The following UBE2K variants were observed in gnomAD, a reference collection of about 807,000 sequenced individuals.
UBE2K encodes the protein ubiquitin conjugating enzyme E2 K, also known as ubiquitin-conjugating enzyme E2 K.
A neutral mutation model predicts 30.0 loss-of-function variants in UBE2K; 6 were observed. The ratio of observed to expected loss-of-function variants is 0.20; its 90% CI spans 0.11 to 0.39. UBE2K has a LOEUF of 0.39. Ranked by LOEUF, UBE2K falls within the 10% of genes least tolerant of loss-of-function variation. UBE2K has a pLI of 1.00. For missense variants in UBE2K, 61 were observed against 241.6 expected, an observed-to-expected ratio of 0.25 and a Z score of 4.96; for synonymous variants, 86 against 83.7, an observed-to-expected ratio of 1.03 and a Z score of -0.15.
intron 3 of UBE2K, among the ~76,000 whole-genome samples, chr4:39,749,651 C>G (rs1196471420): frequency 6.6e-6 from 1 of 152,044 alleles, no homozygotes; most frequent in Non-Finnish European, 1.5e-5. Flanking sequence ...TGCACTGCAG[C>G]CTGGACAAGA....
intron 3 of UBE2K, among the ~76,000 whole-genome samples, chr4:39,750,670 G>A (rs888861108): frequency 2.0e-5 from 3 of 150,212 alleles, no homozygotes; most frequent in South Asian, 2.1e-4. Context: ...TTGAGATTAC[G>A]TGCTTGATTC....
chr4:39,747,393 T>C (rs1210905121), intron 3 of UBE2K, among the ~76,000 whole-genome samples: 1 of 152,216 alleles, frequency 6.6e-6, no homozygotes, highest in African/African-American at 2.4e-5. Flanking sequence ...CCACTGTTTC[T>C]GTTTCTCCGA....
intron 1 of UBE2K, among the ~76,000 whole-genome samples, chr4:39,735,397 T>C (rs1426177428): frequency 1.3e-5 from 2 of 152,158 alleles, no homozygotes; most frequent in Non-Finnish European, 2.9e-5. Flanking sequence ...TTTGGTTTTT[T>C]TGAGACGGAG....
At chr4:39,728,142 A>G (rs1341000479) in intron 1 of UBE2K, among the ~76,000 whole-genome samples, 1 of 151,980 alleles carries the variant, frequency 6.6e-6, no homozygotes, top group Non-Finnish European at 1.5e-5. Flanking sequence ...TCAAAAAAAA[A>G]AATAAGTAAA....
chr4:39,741,109 A>G (rs1003948264), intron 2 of UBE2K, among the ~76,000 whole-genome samples: 6 of 151,876 alleles, frequency 4.0e-5, no homozygotes, highest in Non-Finnish European at 4.4e-5. Context: ...CATCTCTACT[A>G]AAAATACAAA....
intron 1 of UBE2K, among the ~76,000 whole-genome samples, chr4:39,720,060 C>A (rs1010172774): frequency 6.6e-6 from 1 of 152,184 alleles, no homozygotes; most frequent in African/African-American, 2.4e-5. Context: ...TTGCTTAGCA[C>A]CATTGCCTGC....
At chr4:39,763,798 T>C (rs568629900) in intron 4 of UBE2K, among the ~76,000 whole-genome samples, 58 of 152,338 alleles carry the variant, frequency 3.8e-4, no homozygotes, top group African/African-American at 1.3e-3. Context: ...CCACCCAGAC[T>C]AGAGTGCTGT....
At chr4:39,732,003 T>A (rs1477055674) in intron 1 of UBE2K, among the ~76,000 whole-genome samples, 2 of 152,216 alleles carry the variant, frequency 1.3e-5, no homozygotes, top group Admixed American at 6.5e-5. Flanking sequence ...AGAGCATTTT[T>A]TAAAAAATAA....
chr4:39,753,897 G>T (rs1721397286), intron 3 of UBE2K, among the ~76,000 whole-genome samples: 1 of 152,246 alleles, frequency 6.6e-6, no homozygotes, highest in South Asian at 2.1e-4. Context: ...GAGGCGGGTG[G>T]ATCACCTGAG....
intron 1 of UBE2K, among the ~76,000 whole-genome samples, chr4:39,730,897 C>T (rs1054707183): frequency 2.7e-4 from 41 of 151,116 alleles, no homozygotes; most frequent in African/African-American, 9.2e-4. Flanking sequence ...GCAACCTCCG[C>T]CTCTCGGGTT....
Position 39,781,982 on chromosome 4 carries a change from A to G in UBE2K, c.*3548A>G. 2.5e-6 allele frequency: 1 copy of G among 398,448 alleles called. No homozygotes were observed. Among genetic ancestry groups the G allele is most frequent in the Non-Finnish European group, 4.4e-6 (1 of 225,914 alleles). The allele number at this position is 398,448 out of a possible 1,614,324, so 24.7% of individuals were successfully genotyped here. A position where few individuals can be genotyped will look rare whatever the true frequency, so the allele number is the denominator to read the frequency against. On this transcript the variant is annotated 3_prime_UTR_variant, in exon 7 of 7. Coordinates refer to ENST00000261427, the MANE Select transcript of UBE2K (RefSeq NM_005339.5). The stretch of plus-strand genomic sequence containing the variant: ...CAAGTGTGACTTTTCTTCAGTGTCT[A>G]CATATTATGTCACACGTTCTATTTG...
chr4:39,752,033 G>A (rs1348558949), intron 3 of UBE2K, among the ~76,000 whole-genome samples: 2 of 152,190 alleles, frequency 1.3e-5, no homozygotes, highest in Admixed American at 1.3e-4. Flanking sequence ...CAGCTCACTT[G>A]ACTGAACCGT....
chr4:39,711,163 C>CTTTTT (rs34401637), intron 1 of UBE2K, among the ~76,000 whole-genome samples: 1 of 122,140 alleles, frequency 8.2e-6, no homozygotes, highest in African/African-American at 3.1e-5. Flanking sequence ...AACTTTTTCT[C>CTTTTT]TTTTTTTTTT....
chr4:39,749,501 A>AAAAAC (rs747292834), intron 3 of UBE2K, among the ~76,000 whole-genome samples: 32 of 151,910 alleles, frequency 2.1e-4, no homozygotes, highest in Non-Finnish European at 4.1e-4. Flanking sequence ...TAAAAATGCC[A>AAAAAC]AAAACTAAAC....
intron 4 of UBE2K, among the ~76,000 whole-genome samples, chr4:39,763,031 T>TGCAAG (rs1169425976): frequency 1.4e-5 from 2 of 139,198 alleles, no homozygotes; most frequent in African/African-American, 2.7e-5. Flanking sequence ...ACCTCCCGGG[T>TGCAAG]TTAAGCACTT....
intron 4 of UBE2K, among the ~76,000 whole-genome samples, chr4:39,765,954 C>T (rs970977149): frequency 6.6e-6 from 1 of 151,676 alleles, no homozygotes; most frequent in Non-Finnish European, 1.5e-5. Context: ...CACACACATA[C>T]ACATACACAT....
chr4:39,781,009 T>C lies in UBE2K; in HGVS notation c.*2575T>C, dbSNP rs756510889. ...TTGTTAGAAGTCACTGATGCTCCAG[T>C]AGGCTTTTGTTATAATCAGGCCTGT... On this transcript the variant is annotated 3_prime_UTR_variant, in exon 7 of 7. Transcript: ENST00000261427. 1.3e-5 allele frequency: 2 copies of C among 152,180 alleles called. No individual in the cohort carries two copies. Among genetic ancestry groups the C allele is most frequent in the Non-Finnish European group, 2.9e-5 (2 of 67,998 alleles). 9.4% of individuals were successfully genotyped at this position (152,180 alleles called of 1,614,324 possible).
intron 1 of UBE2K, among the ~76,000 whole-genome samples, chr4:39,716,264 G>GTGTCTGTCTGTC (rs138078900): frequency 0.1 from 15,862 of 152,006 alleles, 1,092 homozygotes; most frequent in East Asian, 0.21. Context: ...TTGAAACATG[G>GTGTCTGTCTGTC]TGTCTGTCTG....
intron 2 of UBE2K, among the ~76,000 whole-genome samples, chr4:39,741,549 A>G (rs1266886983): frequency 6.6e-6 from 1 of 152,232 alleles, no homozygotes; most frequent in Non-Finnish European, 1.5e-5. Flanking sequence ...TGCTAAAGCA[A>G]AAGTTTACAT....
Sources: allele counts gnomAD v4.1 joint callset (sites outside exome capture counted in the v4.1 genomes callset), GRCh38; gene constraint gnomAD v4.1.1; transcripts MANE v1.5; gene names NCBI Gene and HGNC (gene_info 2026-07-23, HGNC 2026-07-21).